The following SNX29 variants were observed in gnomAD, a reference collection of about 807,000 sequenced individuals.
SNX29 encodes the protein sorting nexin 29.
A neutral mutation model predicts 102.1 loss-of-function variants in SNX29; 78 were observed. The observed-to-expected ratio is 0.76, with a 90% CI of 0.64 to 0.92. The LOEUF (loss-of-function observed/expected upper bound fraction) is 0.92. SNX29 is among the 40% of genes least tolerant of loss of function. The probability of loss-of-function intolerance (pLI) is 0.00; values close to 1 mark genes in which losing one functional copy is unlikely to be tolerated. For synonymous variants in SNX29, 580 were observed against 414.5 expected (o/e 1.40, Z -4.85); for missense variants, 1,280 against 1,061.7 (o/e 1.21, Z -2.86).
intron 14 of SNX29, among the ~76,000 whole-genome samples, chr16:12,277,641 C>T: frequency 6.6e-6 from 1 of 152,064 alleles, no homozygotes; most frequent in Non-Finnish European, 1.5e-5. Context: ...GTGGCACAAT[C>T]ATAGCTCATG....
intron 15 of SNX29, among the ~76,000 whole-genome samples, chr16:12,307,878 C>CT (rs1234236337): frequency 6.6e-6 from 1 of 152,238 alleles, no homozygotes; most frequent in Non-Finnish European, 1.5e-5. Context: ...CCCTGACCTT[C>CT]TGAACTCCTG....
rs1198006317 is a variant in SNX29, at chr16:12,564,167, T to C, written c.2319-4339T>C. ...ACTTGGGAGGCCTGAGGTAGAGGAT[T>C]GCTTGAGTTCAGGAGTTTGAGACCG... On this transcript the variant is annotated intron_variant, in intron 20 of 20. Transcript: ENST00000566228. Among the ~76,000 whole-genome samples the C allele has an allele frequency of 2.0e-5, 3 of 152,106 alleles. No homozygotes were observed. The East Asian group carries it at 5.8e-4, about 29-fold the overall frequency.
intron 13 of SNX29, among the ~76,000 whole-genome samples, chr16:12,140,006 G>GAAAAAAAAAA (rs2054813675): frequency 8.2e-6 from 1 of 121,864 alleles, no homozygotes; most frequent in African/African-American, 3.0e-5. Context: ...AAAAAAAAAG[G>GAAAAAAAAAA]AAAAGGAATC....
chr16:12,350,411 A>G (rs1403230614), intron 15 of SNX29, among the ~76,000 whole-genome samples: 2 of 152,186 alleles, frequency 1.3e-5, no homozygotes, highest in East Asian at 1.9e-4. Flanking sequence ...TGTAGGTTCT[A>G]TTGCAGATAC....
chr16:12,180,634 C>A (rs1596447290), intron 13 of SNX29, among the ~76,000 whole-genome samples: 1 of 152,102 alleles, frequency 6.6e-6, no homozygotes, highest in Non-Finnish European at 1.5e-5. Context: ...CAGGCGCCCG[C>A]CACCACGTCC....
At chr16:12,476,301 G>A (rs1391167700) in intron 18 of SNX29, among the ~76,000 whole-genome samples, 1 of 124,278 alleles carries the variant, frequency 8.0e-6, no homozygotes, top group Non-Finnish European at 1.6e-5. Context: ...GCAACAGAGT[G>A]AGACTTCGTC....
At chr16:12,409,318 CAG>C (rs1187573942) in intron 18 of SNX29, among the ~76,000 whole-genome samples, 5 of 152,066 alleles carry the variant, frequency 3.3e-5, no homozygotes. Context: ...TTCCATATGA[CAG>C]AGTTAAATTT....
chr16:12,454,945 A>C (rs1223873408), intron 18 of SNX29, among the ~76,000 whole-genome samples: 1 of 151,974 alleles, frequency 6.6e-6, no homozygotes, highest in Non-Finnish European at 1.5e-5. Flanking sequence ...ATGGGGTTTC[A>C]CCATTTTGGC....
At chr16:12,488,213 C>G (rs1207363656) in intron 19 of SNX29, among the ~76,000 whole-genome samples, 1 of 151,922 alleles carries the variant, frequency 6.6e-6, no homozygotes, top group Non-Finnish European at 1.5e-5. Context: ...TGTTCTGTTC[C>G]CATCCTGCAT....
At chr16:12,562,478 G>A (rs74690516) in intron 20 of SNX29, among the ~76,000 whole-genome samples, 1,822 of 152,266 alleles carry the variant, frequency 0.012, 45 homozygotes, top group African/African-American at 0.042. Context: ...CTAGGAACTC[G>A]AGTCCTAGAA....
chr16:12,291,755 G>C (rs1032769569), intron 15 of SNX29, among the ~76,000 whole-genome samples: 1 of 152,224 alleles, frequency 6.6e-6, no homozygotes, highest in Admixed American at 6.5e-5. Context: ...ACATGGAGAA[G>C]GGAGATTGGG....
At chr16:12,457,624 GC>G (rs1173590371) in intron 18 of SNX29, among the ~76,000 whole-genome samples, 1 of 152,190 alleles carries the variant, frequency 6.6e-6, no homozygotes, top group Non-Finnish European at 1.5e-5. Context: ...TTTGGGCAAG[GC>G]CCTGTTCACA....
At chr16:12,208,162 G>C (rs943035588) in intron 14 of SNX29, among the ~76,000 whole-genome samples, 3 of 152,214 alleles carry the variant, frequency 2.0e-5, no homozygotes, top group Admixed American at 6.5e-5. Context: ...ACACCACTCT[G>C]CTCACATTCC....
At chr16:12,556,798 C>A (rs973960162) in intron 20 of SNX29, among the ~76,000 whole-genome samples, 1 of 152,120 alleles carries the variant, frequency 6.6e-6, no homozygotes. Flanking sequence ...ACAGTTGCCC[C>A]CTTTACTAAA....
Position 12,573,340 on chromosome 16 carries a change from A to G in SNX29, c.*4711A>G. On this transcript the variant is annotated 3_prime_UTR_variant, in exon 21 of 21. Transcript: ENST00000566228. Reference sequence around the variant, plus strand: ...GGTACTCTGAATTATGTCATGGAGTAGACAGTTACTTCTAAATCCCAGCAA... The same window carrying G: ...GGTACTCTGAATTATGTCATGGAGTGGACAGTTACTTCTAAATCCCAGCAA... The G allele has an allele frequency of 4.4e-6, 1 of 225,680 alleles. No individual in the cohort carries two copies. Among genetic ancestry groups the G allele is most frequent in the Non-Finnish European group, 8.8e-6 (1 of 113,342 alleles). 14.0% of individuals were successfully genotyped at this position (225,680 alleles called of 1,614,324 possible).
chr16:12,372,804 C>G (rs562299245), intron 16 of SNX29: 5 of 152,300 alleles, frequency 3.3e-5, no homozygotes, highest in African/African-American at 9.6e-5. Flanking sequence ...ATGGTTTGCT[C>G]ACAATATTCT....
At chr16:12,241,129 C>T (rs949926734) in intron 14 of SNX29, among the ~76,000 whole-genome samples, 2 of 152,080 alleles carry the variant, frequency 1.3e-5, no homozygotes, top group African/African-American at 2.4e-5. Context: ...CTTTAAACCT[C>T]GATTCCAGTA....
intron 19 of SNX29, among the ~76,000 whole-genome samples, chr16:12,518,979 G>A (rs886612472): frequency 2.0e-5 from 3 of 152,162 alleles, no homozygotes; most frequent in Non-Finnish European, 4.4e-5. Context: ...TGTGCAAGGG[G>A]TATAAATCAG....
chr16:12,567,137 A>G (rs1236169835), intron 20 of SNX29, among the ~76,000 whole-genome samples: 2 of 152,226 alleles, frequency 1.3e-5, no homozygotes, highest in African/African-American at 4.8e-5. Context: ...ATGATTTGTG[A>G]AACTGGGCTT....
Sources: allele counts gnomAD v4.1 joint callset (sites outside exome capture counted in the v4.1 genomes callset), GRCh38; gene constraint gnomAD v4.1.1; transcripts MANE v1.5; gene names NCBI Gene and HGNC (gene_info 2026-07-23, HGNC 2026-07-21).